Variants in LGR5 observed in about 807,000 individuals in gnomAD.
LGR5 encodes leucine rich repeat containing G protein-coupled receptor 5, also known as leucine-rich repeat-containing G protein-coupled receptor 5.
LGR5 carries 54 observed loss-of-function variants against 76.7 expected under a neutral mutation model. The observed-to-expected ratio is 0.70, with a 90% confidence interval of 0.57 to 0.88. LGR5 has a LOEUF of 0.88. LGR5 is among the 40% of genes least tolerant of loss of function. LGR5 has a pLI of 0.00. For missense variants in LGR5, 1,078 were observed against 1,073.3 expected (o/e 1.00, Z -0.06); for synonymous variants, 406 against 421.9 (o/e 0.96, Z 0.46).
intron 11 of LGR5, among the ~76,000 whole-genome samples, chr12:71,567,621 T>C (rs1039752218): frequency 1.4e-4 from 21 of 152,152 alleles, no homozygotes; most frequent in African/African-American, 4.8e-4. Context: ...CCTGTGGCAA[T>C]TGAGCGCCTG....
intron 1 of LGR5, among the ~76,000 whole-genome samples, chr12:71,450,164 C>T (rs1399253224): frequency 6.6e-6 from 1 of 152,196 alleles, no homozygotes; most frequent in African/African-American, 2.4e-5. Context: ...CCTGAAAACC[C>T]CAGCCCAGTA....
intron 1 of LGR5, among the ~76,000 whole-genome samples, chr12:71,498,804 A>G (rs1156867480): frequency 1.3e-5 from 2 of 152,248 alleles, no homozygotes; most frequent in Non-Finnish European, 2.9e-5. Context: ...TATGGTAAGC[A>G]GGGGACAAAG....
chr12:71,502,642 A>G (rs1874661601), intron 1 of LGR5, among the ~76,000 whole-genome samples: 1 of 152,202 alleles, frequency 6.6e-6, no homozygotes, highest in African/African-American at 2.4e-5. Context: ...TCCCACGATT[A>G]TGCAGCTAAT....
At chr12:71,518,571 C>T (rs952340134) in intron 2 of LGR5, among the ~76,000 whole-genome samples, 3 of 152,148 alleles carry the variant, frequency 2.0e-5, no homozygotes, top group African/African-American at 4.8e-5. Context: ...CAGCACGATT[C>T]GCAATACCAA....
In LGR5 at chr12:71,504,659, G is replaced by A. The variant is rs983301833; in HGVS notation, c.258G>A (p.Leu86=). 8.1e-6 allele frequency: 13 copies of A among 1,613,910 alleles called. No individual in the cohort carries two copies. Among genetic ancestry groups the A allele is most frequent in the Non-Finnish European group, 1.1e-5 (13 of 1,179,958 alleles). ...NNISQLLPNP[L]PSLRFLEELR... is the part of the protein sequence containing the mutation. ...TCAGTCAGCTGCTCCCGAATCCCCT[G>A]CCCAGTCTCCGCTTCCTGGAGGAGT... Residue 86 remains leucine, a synonymous_variant, in exon 2 of 18, where the codon CTG becomes CTA. Transcript: ENST00000266674.
chr12:71,515,337 G>A (rs1310150039), intron 2 of LGR5, among the ~76,000 whole-genome samples: 1 of 152,126 alleles, frequency 6.6e-6, no homozygotes, highest in Non-Finnish European at 1.5e-5. Context: ...TGTATCTTTT[G>A]AGAGTCACTA....
chr12:71,492,190 C>A (rs59014911), intron 1 of LGR5, among the ~76,000 whole-genome samples: 1 of 152,098 alleles, frequency 6.6e-6, no homozygotes, highest in Admixed American at 6.5e-5. Context: ...TGGCTTTCAA[C>A]GTTATCAACT....
intron 1 of LGR5, among the ~76,000 whole-genome samples, chr12:71,497,060 T>C (rs541950158): frequency 1.3e-5 from 2 of 152,100 alleles, no homozygotes; most frequent in Admixed American, 1.3e-4. Context: ...ATGCCTGTAA[T>C]CCCAGCACTT....
Position 71,524,473 on chromosome 12 carries a change from G to C in LGR5, c.352G>C (p.Val118Leu), listed in dbSNP as rs1875883687. The C allele has an allele frequency of 6.2e-7, 1 of 1,604,230 alleles. No individual in the cohort carries two copies. Among genetic ancestry groups the C allele is most frequent in the Non-Finnish European group, 8.5e-7 (1 of 1,171,518 alleles). The change falls in exon 3 of 18, where the codon GTT becomes CTT. Residue 118 changes from valine (V) to leucine (L), a missense_variant. Val to Leu is a conservative substitution (Grantham distance 32). Transcript: ENST00000266674. ...ATTCACTGGCCTTTACAGTCTTAAA[G>C]TTCTGTAAGTAAACTGAGTGTTGTT... is the stretch of plus-strand genomic sequence containing the variant. Reference protein sequence around the residue: ...GAFTGLYSLKVLMLQNNQLRH... With the variant: ...GAFTGLYSLKLLMLQNNQLRH...
At chr12:71,483,968 G>C (rs968495372) in intron 1 of LGR5, among the ~76,000 whole-genome samples, 1 of 152,086 alleles carries the variant, frequency 6.6e-6, no homozygotes, top group Non-Finnish European at 1.5e-5. Context: ...TAATCAAAAT[G>C]AGAAAACAGA....
chr12:71,444,754 T>A (rs1029867172), intron 1 of LGR5, among the ~76,000 whole-genome samples: 3 of 152,314 alleles, frequency 2.0e-5, no homozygotes, highest in Admixed American at 6.5e-5. Context: ...AAAACTGGTC[T>A]ATGATTTCTG....
intron 1 of LGR5, among the ~76,000 whole-genome samples, chr12:71,500,623 T>C (rs978760927): frequency 1.5e-4 from 23 of 151,822 alleles, no homozygotes; most frequent in African/African-American, 5.6e-4. Flanking sequence ...TATTTATTTA[T>C]TTTTATTTTT....
chr12:71,501,432 G>A (rs1235901581), intron 1 of LGR5, among the ~76,000 whole-genome samples: 2 of 152,116 alleles, frequency 1.3e-5, no homozygotes, highest in Non-Finnish European at 2.9e-5. Context: ...CACCTATAAT[G>A]AGCATTCTCA....
intron 11 of LGR5, among the ~76,000 whole-genome samples, chr12:71,569,135 C>T (rs1878484404): frequency 6.6e-6 from 1 of 152,120 alleles, no homozygotes; most frequent in Non-Finnish European, 1.5e-5. Context: ...TGGATCCCTT[C>T]CTTACACCTT....
At chr12:71,492,161 G>T (rs1163235004) in intron 1 of LGR5, among the ~76,000 whole-genome samples, 1 of 152,228 alleles carries the variant, frequency 6.6e-6, no homozygotes, top group Non-Finnish European at 1.5e-5. Flanking sequence ...CTCCAGAAAG[G>T]TTGGGGTTGG....
chr12:71,546,129 A>T (rs1877146310), intron 4 of LGR5, among the ~76,000 whole-genome samples: 1 of 152,102 alleles, frequency 6.6e-6, no homozygotes, highest in African/African-American at 2.4e-5. Flanking sequence ...CCTGGCAAAC[A>T]TGGGGAAACC....
At chr12:71,468,421 G>A (rs1177476358) in intron 1 of LGR5, among the ~76,000 whole-genome samples, 2 of 152,172 alleles carry the variant, frequency 1.3e-5, no homozygotes, top group Non-Finnish European at 2.9e-5. Flanking sequence ...GAATACCCTG[G>A]AGAAATGACT....
intron 2 of LGR5, among the ~76,000 whole-genome samples, chr12:71,516,546 C>T (rs1875450859): frequency 6.6e-6 from 1 of 152,140 alleles, no homozygotes; most frequent in Non-Finnish European, 1.5e-5. Context: ...ATACCTCTCC[C>T]TATGTTTAGA....
chr12:71,563,698 T>G (rs1209089365), intron 8 of LGR5, among the ~76,000 whole-genome samples: 2 of 152,184 alleles, frequency 1.3e-5, no homozygotes, highest in Non-Finnish European at 2.9e-5. Context: ...TGAAATTCTT[T>G]CAGGGCCCAT....
Sources: allele counts gnomAD v4.1 joint callset (sites outside exome capture counted in the v4.1 genomes callset), GRCh38; gene constraint gnomAD v4.1.1; transcripts MANE v1.5; gene names NCBI Gene and HGNC (gene_info 2026-07-23, HGNC 2026-07-21).